MINPP1: variants seen among roughly 807,000 people sequenced by gnomAD.
MINPP1 encodes the protein multiple inositol polyphosphate phosphatase 1.
A neutral mutation model predicts 46.1 loss-of-function variants in MINPP1; 28 were observed. The ratio of observed to expected loss-of-function variants is 0.61; its 90% confidence interval spans 0.45 to 0.83. The LOEUF is 0.83. Ranked by LOEUF, MINPP1 falls within the 40% of genes least tolerant of loss-of-function variation. The probability of loss-of-function intolerance (pLI) is 0.00; values close to 1 mark genes in which losing one functional copy is unlikely to be tolerated. For synonymous variants in MINPP1, 268 were observed against 249.1 expected (o/e 1.08, Z -0.72); for missense variants, 603 against 610.0 (o/e 0.99, Z 0.12).
At chr10:87,523,475 C>T (rs897427952) in intron 4 of MINPP1, among the ~76,000 whole-genome samples, 16 of 151,122 alleles carry the variant, frequency 1.1e-4, no homozygotes, top group Non-Finnish European at 1.9e-4. Flanking sequence ...CTCAGCCTCC[C>T]GAGTAGCTGG....
chr10:87,531,161 G>A (rs562714206), intron 4 of MINPP1, among the ~76,000 whole-genome samples: 11 of 152,298 alleles, frequency 7.2e-5, no homozygotes, highest in African/African-American at 2.4e-4. Context: ...CGGGTGAGGC[G>A]ATGCCCCGTC....
At chr10:87,525,414 G>A (rs1279204566) in intron 4 of MINPP1, among the ~76,000 whole-genome samples, 2 of 152,190 alleles carry the variant, frequency 1.3e-5, no homozygotes, top group Non-Finnish European at 2.9e-5. Context: ...AGGCTTTTAT[G>A]ATTTAGCATC....
At chr10:87,551,068 T>C (rs894881695) in intron 4 of MINPP1, among the ~76,000 whole-genome samples, 1 of 152,108 alleles carries the variant, frequency 6.6e-6, no homozygotes, top group Non-Finnish European at 1.5e-5. Flanking sequence ...ATACTGATAA[T>C]ATCTAGTGCT....
chr10:87,516,638 T>C lies in MINPP1; in HGVS notation c.933+3417T>C, dbSNP rs1239251483. Among the ~76,000 whole-genome samples the C allele has an allele frequency of 1.1e-4, 12 of 104,862 alleles. 6 individuals are homozygous for C. The highest frequency in any genetic ancestry group is 2.0e-4 in the Non-Finnish European group (8 of 40,036). 68.8% of individuals were successfully genotyped at this position (104,862 alleles called of 152,430 possible). A position where few individuals can be genotyped will look rare whatever the true frequency, so the allele number is the denominator to read the frequency against. The stretch of plus-strand genomic sequence containing the variant: ...AAAGTTAATTTGTAGGATAGCTTTT[T>C]TGCAATTTGTGTCTGCTTTAATAAG... On this transcript the variant is annotated intron_variant, in intron 3 of 4. Transcript: ENST00000371996.
chr10:87,505,579 G>A lies in MINPP1; in HGVS notation c.637+27G>A. 1.9e-6 allele frequency: 3 copies of A among 1,583,860 alleles called. No homozygotes were observed. Among genetic ancestry groups the A allele is most frequent in the Non-Finnish European group, 2.6e-6 (3 of 1,172,028 alleles). On this transcript the variant is annotated intron_variant, in intron 1 of 4. Coordinates refer to ENST00000371996, the MANE Select transcript of MINPP1 (RefSeq NM_004897.5). The surrounding 1 kb of genome is among the most constrained non-coding windows in gnomAD (Gnocchi z 4.4). ...TGACCCCCCGGGCGGCCCGTGTGCT[G>A]TCCCGGTCCTCCCACCCGCCCTGGA...
At chr10:87,534,703 A>C (rs1851709080) in intron 4 of MINPP1, among the ~76,000 whole-genome samples, 1 of 152,238 alleles carries the variant, frequency 6.6e-6, no homozygotes, top group Non-Finnish European at 1.5e-5. Flanking sequence ...ATTTTAAAAA[A>C]AGAAACCTCA....
chr10:87,530,499 G>A (rs1185229663), intron 4 of MINPP1, among the ~76,000 whole-genome samples: 4 of 152,190 alleles, frequency 2.6e-5, no homozygotes, highest in African/African-American at 4.8e-5. Flanking sequence ...GTTTGCCTGG[G>A]TATCACCAGC....
At chr10:87,544,858 AAT>A (rs1288191758) in intron 4 of MINPP1, among the ~76,000 whole-genome samples, 1 of 152,220 alleles carries the variant, frequency 6.6e-6, no homozygotes, top group Non-Finnish European at 1.5e-5. Context: ...AGAAAAACAA[AAT>A]AGCAAAGAAA....
chr10:87,540,557 A>G (rs3847452), intron 4 of MINPP1, among the ~76,000 whole-genome samples: 20,262 of 151,920 alleles, frequency 0.13, 1,476 homozygotes, highest in Middle Eastern at 0.18. Flanking sequence ...ACATATACAC[A>G]TGCTCATACC....
At chr10:87,509,662 C>G (rs1290509284) in intron 2 of MINPP1, 1 of 251,748 alleles carries the variant, frequency 4.0e-6, no homozygotes, top group Non-Finnish European at 8.3e-6. Flanking sequence ...ATGAATTGAG[C>G]ATTTATATTA....
chr10:87,516,959 A>G (rs1364778068), intron 3 of MINPP1, among the ~76,000 whole-genome samples: 7 of 151,902 alleles, frequency 4.6e-5, no homozygotes, highest in Non-Finnish European at 1.0e-4. Context: ...TTCTTTTGGT[A>G]TCTAGCTCTT....
At chr10:87,506,867 G>T (rs1851260044) in intron 1 of MINPP1, among the ~76,000 whole-genome samples, 1 of 152,166 alleles carries the variant, frequency 6.6e-6, no homozygotes, top group South Asian at 2.1e-4. Flanking sequence ...TGTTATTGTG[G>T]GTAATTCAGT....
chr10:87,549,334 T>C (rs142719362), intron 4 of MINPP1, among the ~76,000 whole-genome samples: 114 of 152,316 alleles, frequency 7.5e-4, no homozygotes, highest in African/African-American at 2.7e-3. Context: ...CAATTTATAG[T>C]TTTCATGTGT....
Position 87,522,831 on chromosome 10 carries a change from A to C in MINPP1, c.1067+1662A>C, listed in dbSNP as rs139922385. On this transcript the variant is annotated intron_variant, in intron 4 of 4. Coordinates refer to ENST00000371996, the MANE Select transcript of MINPP1 (RefSeq NM_004897.5). ...ATGAAAGATGTCTCTGTAACACATG[A>C]TGCCGTTTAATAACATTTTACCCAC... Among the ~76,000 whole-genome samples the C allele has an allele frequency of 1.1e-4, 17 of 152,326 alleles. No individual in the cohort carries two copies. The East Asian group carries it at 2.9e-3, about 26-fold the overall frequency.
chr10:87,540,534 C>T (rs1409682579), intron 4 of MINPP1, among the ~76,000 whole-genome samples: 3 of 151,910 alleles, frequency 2.0e-5, no homozygotes, highest in Admixed American at 6.6e-5. Context: ...CACTTTCTTA[C>T]TCCCTCATTC....
At chr10:87,506,207 C>T (rs1471876945) in intron 1 of MINPP1, among the ~76,000 whole-genome samples, 1 of 151,756 alleles carries the variant, frequency 6.6e-6, no homozygotes, top group African/African-American at 2.4e-5. Context: ...CTCATTTATT[C>T]CATTAATTAC....
chr10:87,531,117 T>A (rs1454848667), intron 4 of MINPP1, among the ~76,000 whole-genome samples: 1 of 152,148 alleles, frequency 6.6e-6, no homozygotes, highest in East Asian at 1.9e-4. Flanking sequence ...TTCCTTTGGC[T>A]AAGAAAGGGA....
At position 87,552,281 on chromosome 10, in the gene MINPP1, GAAA is replaced by G; in HGVS notation, c.1269_1271del (p.Glu423_Asn424delinsAsp). On this transcript the variant is annotated inframe_deletion, in exon 5 of 5. Transcript: ENST00000371996. Reference sequence around the variant, plus strand: ...CCTGATATTTGTGCTTTACCACTGTGAAAATGCTAAGACTCCTAAAGAACAATT... The same window carrying G: ...CCTGATATTTGTGCTTTACCACTGTGATGCTAAGACTCCTAAAGAACAATT... 2.5e-6 allele frequency: 4 copies of G among 1,613,788 alleles called. No individual in the cohort carries two copies. The highest frequency in any genetic ancestry group is 3.4e-6 in the Non-Finnish European group (4 of 1,179,806).
At position 87,504,906 on chromosome 10, in the gene MINPP1, C is replaced by A. The variant is rs573683685; in HGVS notation, c.-10C>A. On this transcript the variant is annotated 5_prime_UTR_variant, in exon 1 of 5. Transcript: ENST00000371996. ...AGCTGGCTCGGCGCACTCCACTGACCGTCCCGACGATGCTACGCGCGCCCG... is the reference window on the plus strand; with the variant it reads ...AGCTGGCTCGGCGCACTCCACTGACAGTCCCGACGATGCTACGCGCGCCCG... 19 of 1,609,138 alleles carry A rather than the reference C, an allele frequency of 1.2e-5. No individual in the cohort carries two copies. Among genetic ancestry groups the A allele is most frequent in the Middle Eastern group, 1.6e-4 (1 of 6,064 alleles).
Sources: allele counts gnomAD v4.1 joint callset (sites outside exome capture counted in the v4.1 genomes callset), GRCh38; gene constraint gnomAD v4.1.1; non-coding constraint Gnocchi (gnomAD v3.1); transcripts MANE v1.5; gene names NCBI Gene and HGNC (gene_info 2026-07-23, HGNC 2026-07-21).